PABPN1L: variants seen among roughly 807,000 people sequenced by gnomAD.
PABPN1L encodes the protein embryonic polyadenylate-binding protein 2.
PABPN1L carries 45 observed loss-of-function variants against 34.0 expected under a neutral mutation model. The ratio of observed to expected loss-of-function variants is 1.32; its 90% CI spans 1.04 to 1.70. The LOEUF is 1.70. Ranked by LOEUF, PABPN1L falls within the 40% of genes most tolerant of loss-of-function variation. PABPN1L has a pLI of 0.00. For synonymous variants in PABPN1L, 182 were observed against 152.1 expected (o/e 1.20, Z -1.45); for missense variants, 459 against 367.8 (o/e 1.25, Z -2.03).
In PABPN1L at chr16:88,865,942, C is replaced by T; in HGVS notation, c.256-1G>A. The T allele has an allele frequency of 6.2e-7, 1 of 1,606,016 alleles. No homozygotes were observed. The highest frequency in any genetic ancestry group is 1.1e-5 in the South Asian group (1 of 90,756). ...CCTTCATCTTGATGGCCTCCAGCTCCTGCCGACACACGGCCCTGAGCCGGG... is the reference window on the plus strand; with the variant it reads ...CCTTCATCTTGATGGCCTCCAGCTCTTGCCGACACACGGCCCTGAGCCGGG... On this transcript the variant is annotated splice_acceptor_variant, in intron 1 of 6. Transcript: ENST00000419291. LOFTEE classifies it high-confidence loss of function.
intron 1 of PABPN1L, 90 bp from the exon 2 acceptor site, chr16:88,866,031 T>C (rs1968584531): frequency 2.1e-6 from 3 of 1,462,006 alleles, no homozygotes; most frequent in African/African-American, 2.8e-5. Context: ...CAGCAGAGGG[T>C]CACAGCCCCA....
At chr16:88,870,094 TTTC>T (rs985808886), upstream of PABPN1L, among the ~76,000 whole-genome samples, 3 of 151,064 alleles carry the variant, frequency 2.0e-5, no homozygotes, top group Non-Finnish European at 2.9e-5. Flanking sequence ...TCAGTTTTCA[TTTC>T]TTTTTTTTTT....
rs1223969575 is a variant in PABPN1L at position 88,866,500 on chromosome 16, G to A, written c.107C>T (p.Thr36Ile). 6.4e-7 allele frequency: 1 copy of A among 1,551,066 alleles called. No individual in the cohort carries two copies. Among genetic ancestry groups the A allele is most frequent in the African/African-American group, 1.4e-5 (1 of 73,038 alleles). Reference sequence around the variant, plus strand: ...ACCCTCTGGCCCCAGAATCTCCTTGGTCTCGTTCCAGGCCCCCCAGCCCTG... The same window carrying A: ...ACCCTCTGGCCCCAGAATCTCCTTGATCTCGTTCCAGGCCCCCCAGCCCTG... The change falls in exon 1 of 7, where the codon ACC (threonine) becomes ATC (isoleucine). Residue 36 changes from threonine (T) to isoleucine (I), a missense_variant. Physicochemically the swap from Thr to Ile is moderately conservative, Grantham distance 89. Coordinates refer to ENST00000419291, the Ensembl canonical transcript of PABPN1L.
chr16:88,868,953 A>G (rs997392019), upstream of PABPN1L, among the ~76,000 whole-genome samples: 2 of 152,234 alleles, frequency 1.3e-5, no homozygotes, highest in Non-Finnish European at 2.9e-5. Context: ...ATAAGCTGCT[A>G]GATCACACTA....
chr16:88,863,440 C>G (rs924898382), exon 7 of PABPN1L: 2 of 513,314 alleles, frequency 3.9e-6, no homozygotes, highest in Non-Finnish European at 3.5e-6. Flanking sequence ...ATGCCAACCC[C>G]AAGCTGGCCT....
chr16:88,865,480 C>T (rs1968568731), intron 3 of PABPN1L, 83 bp downstream of exon 3: 1 of 1,526,958 alleles, frequency 6.5e-7, no homozygotes, highest in African/African-American at 1.4e-5. Context: ...GCAAGGCTGC[C>T]TGGCCCATGG....
At chr16:88,865,877 G>A (rs1483756415) in exon 2 of PABPN1L, 3 of 1,609,810 alleles carry the variant, frequency 1.9e-6, no homozygotes, top group East Asian at 4.5e-5. Context: ...CTGCACTCCT[G>A]GAGGCCGTGG....
At chr16:88,864,336 T>C (rs1365994413) in exon 6 of PABPN1L, 1 of 1,555,370 alleles carries the variant, frequency 6.4e-7, no homozygotes. Flanking sequence ...GCCCCCGCGG[T>C]CTGTGGAGCT....
Position 88,866,513 on chromosome 16 carries a change from C to A in PABPN1L, c.94G>T (p.Ala32Ser), listed in dbSNP as rs1258268106. The A allele has an allele frequency of 1.9e-6, 3 of 1,550,982 alleles. No homozygotes were observed. In the Admixed American group the frequency reaches 5.9e-5, roughly 30 times the overall value. ...AGAATCTCCTTGGTCTCGTTCCAGG[C>A]CCCCCAGCCCTGGGCCTCAGGGTCT... Residue 32 changes from alanine (A) to serine (S), a missense_variant, in exon 1 of 7, where the codon GCC becomes TCC. Coordinates refer to ENST00000419291, the Ensembl canonical transcript of PABPN1L.
At chr16:88,868,900 G>A (rs929035236), upstream of PABPN1L, among the ~76,000 whole-genome samples, 1 of 152,176 alleles carries the variant, frequency 6.6e-6, no homozygotes, top group Non-Finnish European at 1.5e-5. Context: ...TCCGGTGAGC[G>A]GAGGGTAACG....
At chr16:88,865,179 G>A (rs965905684) in intron 3 of PABPN1L, 51 bp from the exon 4 acceptor site, 49 of 1,523,732 alleles carry the variant, frequency 3.2e-5, no homozygotes, top group Middle Eastern at 2.0e-4. Context: ...GCCCTGACTC[G>A]GGGCCTTCTT....
intron 4 of PABPN1L, 32 bp from the exon 5 acceptor site, chr16:88,864,972 G>T: frequency 6.2e-7 from 1 of 1,603,900 alleles, no homozygotes; most frequent in Non-Finnish European, 8.5e-7. Flanking sequence ...GGAGGGGTGA[G>T]GCTGGGCCCT....
Position 88,865,595 on chromosome 16 carries a change from C to A in PABPN1L, c.427G>T (p.Glu143Ter). Reference sequence around the variant, plus strand: ...ACGTAGACGGATCTGTGGTCAGCCTCCACCTTCTCCTCGGGGGTCCCAGAG... The same window carrying A: ...ACGTAGACGGATCTGTGGTCAGCCTACACCTTCTCCTCGGGGGTCCCAGAG... The change falls in exon 3 of 7, where the codon GAG (glutamate) becomes TAG (stop). Residue 143 changes from glutamate (E) to a stop codon, truncating the protein, a stop_gained. Coordinates refer to ENST00000419291, the Ensembl canonical transcript of PABPN1L. LOFTEE classifies it high-confidence loss of function. The A allele has an allele frequency of 6.2e-7, 1 of 1,611,632 alleles. No individual in the cohort carries two copies. Among genetic ancestry groups the A allele is most frequent in the Non-Finnish European group, 8.5e-7 (1 of 1,179,364 alleles).
At chr16:88,866,308 C>A in intron 1 of PABPN1L, 44 bp downstream of exon 1, 5 of 1,528,116 alleles carry the variant, frequency 3.3e-6, no homozygotes, top group Non-Finnish European at 4.4e-6. Flanking sequence ...AGCCCCTGTG[C>A]CCCAGGTCCC....
At chr16:88,866,646 C>G (rs1968611307), upstream of PABPN1L, 1 of 1,492,178 alleles carries the variant, frequency 6.7e-7, no homozygotes, top group African/African-American at 1.4e-5. Context: ...GCGAGGCCTC[C>G]CCTCCACTCC....
intron 4 of PABPN1L, 35 bp downstream of exon 4, chr16:88,864,987 G>A (rs767197163): frequency 1.7e-5 from 27 of 1,597,174 alleles, no homozygotes; most frequent in Admixed American, 3.5e-5. Context: ...GGCCCTGTCC[G>A]CATGGCCAGT....
rs749376553 is a variant in PABPN1L, at chr16:88,865,178, C to G, written c.460-50G>C. On this transcript the variant is annotated intron_variant, in intron 3 of 6. Coordinates refer to ENST00000419291, the Ensembl canonical transcript of PABPN1L. ...GTGAGGGAGACGCCTGGCCCTGACT[C>G]GGGGCCTTCTTGTTAGAGGTGAGGA... 7 of 1,532,536 alleles carry G rather than the reference C, an allele frequency of 4.6e-6. No homozygotes were observed. In the East Asian group the frequency reaches 9.8e-5, roughly 21 times the overall value. The allele number at this position is 1,532,536 out of a possible 1,614,324, so 94.9% of individuals were successfully genotyped here.
rs762855227 is a variant in PABPN1L, at chr16:88,864,945, G to A, written c.567-5C>T. On this transcript the variant is annotated splice_polypyrimidine_tract_variant and splice_region_variant and intron_variant, in intron 4 of 6. Coordinates refer to ENST00000419291, the Ensembl canonical transcript of PABPN1L. ...GCAAACTCTATGTAGGCATAACTGA[G>A]GGGAGGGGCAGGGAGGGGAGGGGTG... 534 of 1,592,286 alleles carry A rather than the reference G, an allele frequency of 3.4e-4. No individual in the cohort carries two copies. The highest frequency in any genetic ancestry group is 4.3e-4 in the Non-Finnish European group (499 of 1,173,050).
chr16:88,864,151 G>A (rs950131934), intron 6 of PABPN1L, 86 bp downstream of exon 6: 1 of 1,445,782 alleles, frequency 6.9e-7, no homozygotes. Context: ...AGCCCCATGA[G>A]GAACGAGCTC....
Sources: gnomAD v4.1 joint callset for allele counts (sites outside exome capture counted in the v4.1 genomes callset) on GRCh38, gnomAD v4.1.1 for gene constraint, MANE v1.5 for transcripts, NCBI Gene and HGNC (gene_info 2026-07-23, HGNC 2026-07-21) for gene names.